The following TSPAN7 variants were observed in gnomAD, a reference collection of about 807,000 sequenced individuals.
TSPAN7 encodes tetraspanin 7, also known as tetraspanin-7.
In TSPAN7, 1 loss-of-function variant was observed where a neutral mutation model predicts 17.6. The ratio of observed to expected loss-of-function variants is 0.06; its 90% CI spans 0.02 to 0.27. The LOEUF is 0.27. Ranked by LOEUF, TSPAN7 falls within the 10% of genes least tolerant of loss-of-function variation. The probability of loss-of-function intolerance (pLI) is 1.00; values close to 1 mark genes in which losing one functional copy is unlikely to be tolerated. For synonymous variants in TSPAN7, 78 were observed against 79.0 expected (o/e 0.99, Z 0.07); for missense variants, 112 against 201.7 (o/e 0.56, Z 2.69).
intron 6 of TSPAN7, among the ~76,000 whole-genome samples, chrX:38,683,790 A>G (rs903885098): frequency 2.6e-5 from 3 of 113,250 alleles, no homozygotes; most frequent in African/African-American, 9.6e-5. Flanking sequence ...ATGCCTGTTC[A>G]CAAAGAACCA....
At chrX:38,673,620 A>T (rs2069836077) in intron 3 of TSPAN7, among the ~76,000 whole-genome samples, 1 of 110,064 alleles carries the variant, frequency 9.1e-6, no homozygotes, top group African/African-American at 3.3e-5. Context: ...TTATCTGCCC[A>T]TGTCGGCCTC....
chrX:38,620,821 C>A (rs1326360514), intron 1 of TSPAN7, among the ~76,000 whole-genome samples: 2 of 112,252 alleles, frequency 1.8e-5, no homozygotes, highest in Admixed American at 1.9e-4. Flanking sequence ...GGGGAGACTT[C>A]TGATTGGTCT....
chrX:38,672,276 C>T (rs979073863), intron 3 of TSPAN7, among the ~76,000 whole-genome samples: 11 of 108,363 alleles, frequency 1.0e-4, no homozygotes, highest in African/African-American at 2.7e-4. Context: ...CTGTGGGTCT[C>T]GAAAGGCTGG....
At chrX:38,563,998 A>G (rs773384021) in intron 1 of TSPAN7, among the ~76,000 whole-genome samples, 4 of 112,042 alleles carry the variant, frequency 3.6e-5, no homozygotes, top group East Asian at 2.8e-4. Context: ...ATTTTAGTAT[A>G]TAAGTGGTAT....
intron 1 of TSPAN7, among the ~76,000 whole-genome samples, chrX:38,611,289 A>T (rs189957322): frequency 6.3e-4 from 71 of 112,551 alleles, no homozygotes; most frequent in African/African-American, 2.2e-3. Context: ...TTGACCAAAC[A>T]TGGGTCAGTA....
At chrX:38,662,753 C>G (rs753101487) in intron 1 of TSPAN7, among the ~76,000 whole-genome samples, 1 of 110,928 alleles carries the variant, frequency 9.0e-6, no homozygotes, top group Non-Finnish European at 1.9e-5. Flanking sequence ...GCTGGTTCAT[C>G]AGGAGTGTTT....
At chrX:38,567,018 A>G (rs566112012) in intron 1 of TSPAN7, among the ~76,000 whole-genome samples, 2 of 112,142 alleles carry the variant, frequency 1.8e-5, no homozygotes, top group African/African-American at 6.5e-5. Flanking sequence ...AAATTCTTCT[A>G]TGATAAAATA....
At chrX:38,589,438 G>A (rs756529809) in intron 1 of TSPAN7, among the ~76,000 whole-genome samples, 19 of 111,160 alleles carry the variant, frequency 1.7e-4, no homozygotes, top group Non-Finnish European at 3.4e-4. Flanking sequence ...CTTTGTCTTC[G>A]CATTTCATTA....
At chrX:38,628,765 C>G (rs1279249575) in intron 1 of TSPAN7, among the ~76,000 whole-genome samples, 1 of 111,682 alleles carries the variant, frequency 9.0e-6, no homozygotes, top group Non-Finnish European at 1.9e-5. Context: ...TTCACATTTA[C>G]CAGGTATTTG....
intron 1 of TSPAN7, among the ~76,000 whole-genome samples, chrX:38,610,473 A>G (rs1191696873): frequency 8.9e-6 from 1 of 111,876 alleles, no homozygotes; most frequent in African/African-American, 3.2e-5. Flanking sequence ...AATAGACCAT[A>G]TTTCTTACCT....
At chrX:38,604,810 A>C (rs1260497865) in intron 1 of TSPAN7, among the ~76,000 whole-genome samples, 1 of 111,223 alleles carries the variant, frequency 9.0e-6, no homozygotes, top group Non-Finnish European at 1.9e-5. Context: ...GACAAAAACC[A>C]CATGATTATC....
chrX:38,597,450 C>T (rs765480698), intron 1 of TSPAN7, among the ~76,000 whole-genome samples: 24 of 111,159 alleles, frequency 2.2e-4, no homozygotes, highest in Non-Finnish European at 4.0e-4. Flanking sequence ...AAGAAGCCTG[C>T]GATGTGCCTT....
intron 1 of TSPAN7, among the ~76,000 whole-genome samples, chrX:38,653,607 G>A (rs1048595169): frequency 3.6e-5 from 4 of 112,268 alleles, no homozygotes; most frequent in African/African-American, 1.3e-4. Flanking sequence ...TGTTCCTGGT[G>A]CTAATGATAT....
intron 1 of TSPAN7, among the ~76,000 whole-genome samples, chrX:38,643,672 C>CAAAAA (rs34238064): frequency 1.8e-5 from 1 of 56,059 alleles, no homozygotes; most frequent in Non-Finnish European, 3.2e-5. Flanking sequence ...CCGTCTCTAC[C>CAAAAA]AAAAAAAAAA....
intron 6 of TSPAN7, among the ~76,000 whole-genome samples, chrX:38,686,949 A>G (rs1406562328): frequency 9.1e-6 from 1 of 110,375 alleles, no homozygotes; most frequent in Non-Finnish European, 1.9e-5. Flanking sequence ...AGATGAGCCC[A>G]CTTAGGCCTA....
chrX:38,669,046 G>A (rs2069803231), intron 2 of TSPAN7, among the ~76,000 whole-genome samples: 1 of 110,331 alleles, frequency 9.1e-6, no homozygotes, highest in South Asian at 3.9e-4. Flanking sequence ...TGCATAGTAG[G>A]GTAACTATAG....
At chrX:38,647,366 C>T (rs2069650662) in intron 1 of TSPAN7, among the ~76,000 whole-genome samples, 1 of 112,110 alleles carries the variant, frequency 8.9e-6, no homozygotes, top group Admixed American at 9.4e-5. Context: ...ATCCGCCTGC[C>T]TCGGCCTCCC....
intron 5 of TSPAN7, among the ~76,000 whole-genome samples, chrX:38,676,927 G>C (rs1179361634): frequency 8.9e-6 from 1 of 112,115 alleles, no homozygotes; most frequent in African/African-American, 3.2e-5. Flanking sequence ...GTGTCATTAT[G>C]CTTCCATTTT....
chrX:38,590,032 C>G (rs923106447), intron 1 of TSPAN7, among the ~76,000 whole-genome samples: 1 of 112,808 alleles, frequency 8.9e-6, no homozygotes, highest in Non-Finnish European at 1.9e-5. Flanking sequence ...TATGACATAA[C>G]CCCTTGCATT....
Sources: gnomAD v4.1 joint callset for allele counts (sites outside exome capture counted in the v4.1 genomes callset) on GRCh38, gnomAD v4.1.1 for gene constraint, MANE v1.5 for transcripts, NCBI Gene and HGNC (gene_info 2026-07-23, HGNC 2026-07-21) for gene names.